PLCB1: variants seen among roughly 807,000 people sequenced by gnomAD.
PLCB1 encodes the protein 1-phosphatidylinositol 4,5-bisphosphate phosphodiesterase beta-1.
In PLCB1, 46 loss-of-function variants were observed where a neutral mutation model predicts 161.8. The observed-to-expected ratio is 0.28, with a 90% confidence interval of 0.22 to 0.36. The LOEUF (loss-of-function observed/expected upper bound fraction) is 0.36. PLCB1 is among the 10% of genes least tolerant of loss of function. The probability of loss-of-function intolerance (pLI) is 1.00; values close to 1 mark genes in which losing one functional copy is unlikely to be tolerated. For synonymous variants in PLCB1, 517 were observed against 503.7 expected, an observed-to-expected ratio of 1.03 and a Z score of -0.35; for missense variants, 1,016 against 1,472.5, an observed-to-expected ratio of 0.69 and a Z score of 5.07.
intron 31 of PLCB1, among the ~76,000 whole-genome samples, chr20:8,807,794 G>A (rs547568843): frequency 2.0e-5 from 3 of 152,262 alleles, no homozygotes; most frequent in African/African-American, 7.2e-5. Context: ...AAATGTGGCT[G>A]ATGCAACTAA....
At chr20:8,226,353 CT>C (rs921252658) in intron 2 of PLCB1, among the ~76,000 whole-genome samples, 19 of 152,090 alleles carry the variant, frequency 1.2e-4, no homozygotes, top group African/African-American at 3.4e-4. Context: ...GGTCACCTCC[CT>C]CACGTTTGCC....
At chr20:8,803,345 TAAGC>T (rs1392680407) in intron 31 of PLCB1, among the ~76,000 whole-genome samples, 1 of 152,194 alleles carries the variant, frequency 6.6e-6, no homozygotes, top group Middle Eastern at 3.4e-3. Flanking sequence ...CCTCCAGGCT[TAAGC>T]ACCTGGAAGA....
intron 2 of PLCB1, among the ~76,000 whole-genome samples, chr20:8,272,214 T>C (rs1051919548): frequency 6.6e-6 from 1 of 152,112 alleles, no homozygotes; most frequent in African/African-American, 2.4e-5. Context: ...TATGTTTACT[T>C]GGAAAGATCA....
Position 8,644,689 on chromosome 20 carries a change from G to A in PLCB1, c.385-1413G>A, listed in dbSNP as rs1011106759. Among the ~76,000 whole-genome samples the A allele has an allele frequency of 1.4e-4, 21 of 151,186 alleles. No individual in the cohort carries two copies. In the East Asian group the frequency reaches 3.0e-3, roughly 21 times the overall value. On this transcript the variant is annotated intron_variant, in intron 4 of 31. Transcript: ENST00000338037. ...AGCGTCTCCGCCCGGCAGCCGCCCCGTCCGGGAGGGAGGTGGGGGGGTCAG... is the reference window on the plus strand; with the variant it reads ...AGCGTCTCCGCCCGGCAGCCGCCCCATCCGGGAGGGAGGTGGGGGGGTCAG...
chr20:8,649,730 CT>C (rs1461005550), intron 7 of PLCB1: 12 of 444,326 alleles, frequency 2.7e-5, no homozygotes, highest in Admixed American at 6.8e-5. Flanking sequence ...AGCAAGAAGA[CT>C]TTTGCCAGAT....
At chr20:8,494,146 GTC>G (rs1186634735) in intron 3 of PLCB1, among the ~76,000 whole-genome samples, 2 of 152,200 alleles carry the variant, frequency 1.3e-5, no homozygotes, top group African/African-American at 4.8e-5. Flanking sequence ...GTGTATGAGA[GTC>G]TGCATTTCCA....
intron 2 of PLCB1, among the ~76,000 whole-genome samples, chr20:8,296,121 T>G (rs1411334426): frequency 6.6e-6 from 1 of 152,172 alleles, no homozygotes; most frequent in African/African-American, 2.4e-5. Flanking sequence ...AGACCAGATA[T>G]CAGAACATTT....
chr20:8,758,029 C>A (rs1331355244), intron 24 of PLCB1, among the ~76,000 whole-genome samples: 1 of 151,638 alleles, frequency 6.6e-6, no homozygotes, highest in African/African-American at 2.4e-5. Context: ...CAATTTGATG[C>A]CTCCTCTGTA....
chr20:8,190,813 G>C (rs2051962298), intron 2 of PLCB1, among the ~76,000 whole-genome samples: 1 of 152,118 alleles, frequency 6.6e-6, no homozygotes, highest in Non-Finnish European at 1.5e-5. Flanking sequence ...TGTTACTGGT[G>C]CAGTTCACTC....
intron 3 of PLCB1, among the ~76,000 whole-genome samples, chr20:8,524,072 G>A (rs761814906): frequency 1.3e-5 from 2 of 151,874 alleles, no homozygotes; most frequent in Non-Finnish European, 2.9e-5. Flanking sequence ...ACAAAACAAA[G>A]TATAAAATAC....
intron 1 of PLCB1, among the ~76,000 whole-genome samples, chr20:8,136,944 G>A (rs968284647): frequency 2.6e-5 from 4 of 152,206 alleles, no homozygotes; most frequent in African/African-American, 9.6e-5. Context: ...ATATATTTAT[G>A]TATATATGTG....
At chr20:8,477,582 C>T (rs1267760049) in intron 3 of PLCB1, among the ~76,000 whole-genome samples, 4 of 152,130 alleles carry the variant, frequency 2.6e-5, no homozygotes, top group African/African-American at 4.8e-5. Context: ...TTATTTAGTT[C>T]GTGGTTCTGC....
intron 31 of PLCB1, among the ~76,000 whole-genome samples, chr20:8,808,226 A>G (rs917941356): frequency 3.3e-5 from 5 of 152,210 alleles, no homozygotes; most frequent in Non-Finnish European, 5.9e-5. Context: ...TTATTTTTTC[A>G]CAATTCTGGA....
chr20:8,580,935 A>C (rs956055014), intron 3 of PLCB1, among the ~76,000 whole-genome samples: 1 of 152,212 alleles, frequency 6.6e-6, no homozygotes, highest in Non-Finnish European at 1.5e-5. Flanking sequence ...GAAGCTACAA[A>C]CATTTCCTTT....
intron 12 of PLCB1, among the ~76,000 whole-genome samples, chr20:8,715,016 A>G (rs1439324453): frequency 6.6e-6 from 1 of 152,110 alleles, no homozygotes; most frequent in Non-Finnish European, 1.5e-5. Flanking sequence ...AATAAGAATC[A>G]CATTTTATGA....
chr20:8,502,277 A>G (rs556232350), intron 3 of PLCB1, among the ~76,000 whole-genome samples: 47 of 152,268 alleles, frequency 3.1e-4, no homozygotes, highest in African/African-American at 1.1e-3. Context: ...GACATGAACT[A>G]TTCTGACATT....
intron 2 of PLCB1, among the ~76,000 whole-genome samples, chr20:8,280,470 G>A (rs979279697): frequency 6.6e-6 from 1 of 152,052 alleles, no homozygotes; most frequent in Admixed American, 6.6e-5. Flanking sequence ...TAACTGTAAG[G>A]CTTATGTCAT....
chr20:8,156,146 C>T (rs866046447), intron 2 of PLCB1, among the ~76,000 whole-genome samples: 1 of 152,230 alleles, frequency 6.6e-6, no homozygotes, highest in Non-Finnish European at 1.5e-5. Context: ...TGTCTGGCTA[C>T]TAGAACTCAT....
chr20:8,785,511 G>A (rs1406203162), intron 27 of PLCB1, among the ~76,000 whole-genome samples: 1 of 152,124 alleles, frequency 6.6e-6, no homozygotes, highest in Non-Finnish European at 1.5e-5. Context: ...AGATAGTTTA[G>A]ATAAGTGTGT....
Sources: allele counts gnomAD v4.1 joint callset (sites outside exome capture counted in the v4.1 genomes callset), GRCh38; gene constraint gnomAD v4.1.1; transcripts MANE v1.5; gene names NCBI Gene and HGNC (gene_info 2026-07-23, HGNC 2026-07-21).